PCSK5: variants seen among roughly 807,000 people sequenced by gnomAD.
PCSK5 encodes the protein prohormone convertase 5.
In PCSK5, 129 loss-of-function variants were observed where a neutral mutation model predicts 233.2. The ratio of observed to expected loss-of-function variants is 0.55; its 90% CI spans 0.48 to 0.64. The LOEUF (loss-of-function observed/expected upper bound fraction) is 0.64. Ranked by LOEUF, PCSK5 falls within the 30% of genes least tolerant of loss-of-function variation. PCSK5 has a pLI of 0.00. For synonymous variants in PCSK5, 825 were observed against 879.2 expected (o/e 0.94, Z 1.09); for missense variants, 2,076 against 2,430.1 (o/e 0.85, Z 3.06).
chr9:76,250,327 C>T (rs145730304), intron 24 of PCSK5, among the ~76,000 whole-genome samples: 58 of 152,248 alleles, frequency 3.8e-4, no homozygotes, highest in Non-Finnish European at 5.9e-4. Context: ...TGGAGCATCA[C>T]TCCCTACTAC....
chr9:76,034,199 C>T (rs1222224044), intron 5 of PCSK5, among the ~76,000 whole-genome samples: 1 of 152,018 alleles, frequency 6.6e-6, no homozygotes, highest in African/African-American at 2.4e-5. Context: ...GTCAGCAAGT[C>T]CTGACAATTC....
intron 13 of PCSK5, 145 bp from the exon 14 acceptor site, chr9:76,174,841 C>A: frequency 1.5e-6 from 1 of 662,254 alleles, no homozygotes. Flanking sequence ...ATACGCATTT[C>A]TAGCTCTGCG....
chr9:76,192,383 G>GTGT (rs1454781409), intron 20 of PCSK5, among the ~76,000 whole-genome samples: 1 of 152,134 alleles, frequency 6.6e-6, no homozygotes, highest in Non-Finnish European at 1.5e-5. Context: ...ACTTAAGGAT[G>GTGT]TGTTATTTAT....
At chr9:75,997,049 T>G (rs1827051547) in intron 3 of PCSK5, among the ~76,000 whole-genome samples, 1 of 152,178 alleles carries the variant, frequency 6.6e-6, no homozygotes, top group Admixed American at 6.5e-5. Context: ...TTTTTCTGGC[T>G]TACTGTAACC....
chr9:76,079,302 T>C (rs1245537542), intron 7 of PCSK5, among the ~76,000 whole-genome samples: 1 of 151,498 alleles, frequency 6.6e-6, no homozygotes, highest in Non-Finnish European at 1.5e-5. Context: ...TCCCCATCTC[T>C]ACTAAAAATA....
At chr9:76,256,329 G>C (rs992809577) in intron 24 of PCSK5, among the ~76,000 whole-genome samples, 2 of 152,214 alleles carry the variant, frequency 1.3e-5, no homozygotes, top group African/African-American at 4.8e-5. Context: ...CTGCTAAGTC[G>C]AGCTGTGAGC....
chr9:76,012,507 T>C (rs542097777), intron 3 of PCSK5, among the ~76,000 whole-genome samples: 10 of 152,338 alleles, frequency 6.6e-5, no homozygotes, highest in African/African-American at 2.4e-4. Flanking sequence ...TTTCTGGCTA[T>C]TATGTTTTGG....
intron 33 of PCSK5, among the ~76,000 whole-genome samples, chr9:76,330,519 CAGG>C (rs1467176253): frequency 6.6e-6 from 1 of 151,870 alleles, no homozygotes; most frequent in East Asian, 1.9e-4. Context: ...GAGGTCGAGG[CAGG>C]AGGATTGCTT....
At chr9:76,358,435 C>T in intron 37 of PCSK5, 78 bp from the exon 38 acceptor site, 1 of 1,119,570 alleles carries the variant, frequency 8.9e-7, no homozygotes, top group Non-Finnish European at 1.3e-6. Flanking sequence ...AATTCTTTAC[C>T]TCAGAAACTA....
intron 21 of PCSK5, among the ~76,000 whole-genome samples, chr9:76,228,669 T>C (rs1409947693): frequency 6.6e-6 from 1 of 152,246 alleles, no homozygotes; most frequent in Admixed American, 6.5e-5. Context: ...ACTGAATATT[T>C]TTTGGCTACC....
At chr9:76,086,277 T>C (rs1359199124) in intron 7 of PCSK5, among the ~76,000 whole-genome samples, 1 of 152,216 alleles carries the variant, frequency 6.6e-6, no homozygotes, top group African/African-American at 2.4e-5. Flanking sequence ...TGATTGTGGT[T>C]ATTTCAGAGA....
At chr9:75,967,385 A>G (rs554855005) in intron 2 of PCSK5, among the ~76,000 whole-genome samples, 19 of 152,326 alleles carry the variant, frequency 1.2e-4, no homozygotes, top group African/African-American at 3.8e-4. Flanking sequence ...GCTTAGGACA[A>G]TGGTCTCCAG....
At chr9:75,917,170 GAAA>G (rs34529382) in intron 1 of PCSK5, among the ~76,000 whole-genome samples, 3,150 of 104,104 alleles carry the variant, frequency 0.03, 88 homozygotes, top group African/African-American at 0.1. Context: ...CTCCGTCTCA[GAAA>G]AAAAAAAAAA....
At chr9:76,192,288 T>C (rs530084215) in intron 20 of PCSK5, among the ~76,000 whole-genome samples, 1 of 152,214 alleles carries the variant, frequency 6.6e-6, no homozygotes, top group South Asian at 2.1e-4. Flanking sequence ...AGAAGAATCA[T>C]ATCTGCAGTG....
intron 28 of PCSK5, among the ~76,000 whole-genome samples, chr9:76,304,490 G>A (rs931668836): frequency 2.6e-5 from 4 of 152,216 alleles, no homozygotes; most frequent in African/African-American, 9.7e-5. Flanking sequence ...ATGGTGGCAG[G>A]AGAGAATCAA....
chr9:76,106,776 C>G (rs1270025558), intron 8 of PCSK5, among the ~76,000 whole-genome samples: 1 of 152,168 alleles, frequency 6.6e-6, no homozygotes, highest in African/African-American at 2.4e-5. Context: ...ATCTGTGGTT[C>G]CCCAAGGTAA....
chr9:76,301,341 A>G (rs1314756338), intron 27 of PCSK5, among the ~76,000 whole-genome samples: 2 of 152,008 alleles, frequency 1.3e-5, no homozygotes, highest in Non-Finnish European at 2.9e-5. Flanking sequence ...GCTCTAAGGG[A>G]AATGGCCCTG....
At chr9:76,121,824 T>TAGAA (rs1428069344) in intron 9 of PCSK5, among the ~76,000 whole-genome samples, 242 of 20,798 alleles carry the variant, frequency 0.012, 6 homozygotes, top group African/African-American at 0.018. Context: ...GTTTTTTTTT[T>TAGAA]TTTTTTTTTT....
intron 27 of PCSK5, among the ~76,000 whole-genome samples, chr9:76,300,174 G>GA (rs1190464479): frequency 6.6e-6 from 1 of 151,848 alleles, no homozygotes; most frequent in Non-Finnish European, 1.5e-5. Flanking sequence ...ACTCACATGT[G>GA]AAAAAAAATA....
Sources: gnomAD v4.1 joint callset for allele counts (sites outside exome capture counted in the v4.1 genomes callset) on GRCh38, gnomAD v4.1.1 for gene constraint, MANE v1.5 for transcripts, NCBI Gene and HGNC (gene_info 2026-07-23, HGNC 2026-07-21) for gene names.